The following SCAF4 variants were observed in gnomAD, a reference collection of about 807,000 sequenced individuals.
SCAF4 encodes the protein SR-related and CTD-associated factor 4.
A neutral mutation model predicts 129.8 loss-of-function variants in SCAF4; 25 were observed. The observed-to-expected ratio is 0.19, with a 90% CI of 0.14 to 0.27. The LOEUF (loss-of-function observed/expected upper bound fraction) is 0.27. Ranked by LOEUF, SCAF4 falls within the 10% of genes least tolerant of loss-of-function variation. The pLI is 1.00. For missense variants in SCAF4, 1,246 were observed against 1,457.1 expected (o/e 0.86, Z 2.36); for synonymous variants, 551 against 497.7 (o/e 1.11, Z -1.43).
chr21:31,729,435 T>A (rs1462362838), intron 1 of SCAF4, among the ~76,000 whole-genome samples: 1 of 152,202 alleles, frequency 6.6e-6, no homozygotes, highest in East Asian at 1.9e-4. Flanking sequence ...AAGTCTTATG[T>A]CCTCTATTGG....
chr21:31,725,540 C>A (rs1430176720), intron 1 of SCAF4, among the ~76,000 whole-genome samples: 2 of 152,186 alleles, frequency 1.3e-5, no homozygotes, highest in African/African-American at 4.8e-5. Flanking sequence ...TACAAGTACT[C>A]GCATTTTTTT....
intron 15 of SCAF4, among the ~76,000 whole-genome samples, chr21:31,689,046 T>TG (rs757886798): frequency 1.3e-5 from 2 of 152,318 alleles, no homozygotes; most frequent in African/African-American, 4.8e-5. Context: ...ATTCTTGAGC[T>TG]TTTCAATACA....
chr21:31,676,714 CCTGTA>C (rs1324783924), intron 19 of SCAF4, among the ~76,000 whole-genome samples: 1 of 152,162 alleles, frequency 6.6e-6, no homozygotes, highest in African/African-American at 2.4e-5. Flanking sequence ...ATTCACACAT[CCTGTA>C]ATTTACCCAC....
At chr21:31,715,682 TTTCATGAACTCATTTGGTATGC>T (rs1342915482) in intron 1 of SCAF4, among the ~76,000 whole-genome samples, 6 of 152,264 alleles carry the variant, frequency 3.9e-5, no homozygotes, top group African/African-American at 1.4e-4. Flanking sequence ...AGCTTGTAAA[TTTCATGAACTCATTTGGTATGC>T]TTTCCTCCAA....
In SCAF4 at chr21:31,704,620, A is replaced by G. The variant is rs556930783; in HGVS notation, c.160-694T>C. 4.6e-5 allele frequency among the ~76,000 whole-genome samples: 7 copies of G among 152,044 alleles called. No individual in the cohort carries two copies. In the East Asian group the frequency reaches 1.4e-3, roughly 29 times the overall value. ...GCAGAGGAGTATTTTGCAACTGTTT[A>G]CGATAAACTCAGTGGGAAAAGCAGC... On this transcript the variant is annotated intron_variant, in intron 3 of 19. Transcript: ENST00000286835.
At chr21:31,694,097 C>T in intron 11 of SCAF4, 107 bp downstream of exon 11, 1 of 621,010 alleles carries the variant, frequency 1.6e-6, no homozygotes, top group Non-Finnish European at 2.8e-6. Flanking sequence ...AACATACCAA[C>T]TGTTATTTTA....
In SCAF4 at chr21:31,690,922, G is replaced by T; in HGVS notation, c.1760C>A (p.Ala587Glu). ...TACATCCCAATACTGCTTATAATCT[G>T]CCTTTATTCCTTTGTTTAAGGCCCA... ...IAWALNKGIK[A>E]DYKQYWDVEL... is the part of the protein sequence containing the mutation. The change falls in exon 15 of 20, where the codon GCA becomes GAA. Residue 587 changes from alanine to glutamate, a missense_variant. Physicochemically the swap from Ala to Glu is moderately radical, Grantham distance 107. Transcript: ENST00000286835. 6.2e-7 allele frequency: 1 copy of T among 1,611,468 alleles called. No individual in the cohort carries two copies. Among genetic ancestry groups the T allele is most frequent in the Non-Finnish European group, 8.5e-7 (1 of 1,178,866 alleles).
Position 31,685,646 on chromosome 21 carries a change from A to T in SCAF4, c.2131T>A (p.Phe711Ile). The T allele has an allele frequency of 6.2e-7, 1 of 1,614,054 alleles. No individual in the cohort carries two copies. The highest frequency in any genetic ancestry group is 1.7e-5 in the Admixed American group (1 of 60,020). ...TPPLGIPPPGFGPGVPPPPPP... is the reference protein window; with the variant it reads ...TPPLGIPPPGIGPGVPPPPPP... Reference sequence around the variant, plus strand: ...GGGGGAGGAGGAACACCAGGACCAAAGCCTGGAGGCGGTATTCCCAGAGGA... The same window carrying T: ...GGGGGAGGAGGAACACCAGGACCAATGCCTGGAGGCGGTATTCCCAGAGGA... The change falls in exon 17 of 20, where the codon TTT (phenylalanine) becomes ATT (isoleucine). Residue 711 changes from phenylalanine to isoleucine, a missense_variant. Coordinates refer to ENST00000286835, the MANE Select transcript of SCAF4 (RefSeq NM_020706.2).
At chr21:31,710,730 A>G (rs1294622411) in intron 1 of SCAF4, among the ~76,000 whole-genome samples, 1 of 152,216 alleles carries the variant, frequency 6.6e-6, no homozygotes, top group Admixed American at 6.5e-5. Flanking sequence ...ATGCAAAACA[A>G]ATCTTGTTTA....
At chr21:31,673,683 C>G (rs888401418) in intron 19 of SCAF4, among the ~76,000 whole-genome samples, 6 of 152,230 alleles carry the variant, frequency 3.9e-5, no homozygotes, top group African/African-American at 1.4e-4. Context: ...ACTGGGGCAA[C>G]AGAAGCACAT....
intron 1 of SCAF4, among the ~76,000 whole-genome samples, chr21:31,718,211 G>T (rs2050985921): frequency 6.6e-6 from 1 of 151,974 alleles, no homozygotes; most frequent in South Asian, 2.1e-4. Flanking sequence ...CTCCCAAAGT[G>T]CTGGGATTAC....
Position 31,691,876 on chromosome 21 carries a change from A to G in SCAF4, c.1669T>C (p.Tyr557His). The change falls in exon 14 of 20, where the codon TAT becomes CAT. Residue 557 changes from tyrosine to histidine, a missense_variant. Transcript: ENST00000286835. The stretch of plus-strand genomic sequence containing the variant: ...CGGCTCAGTTTCTGCAGGGCACGAT[A>G]GGCATCTTGCCTATGAACCATAACA... ...YIVMVHRQDA[Y>H]RALQKLSRGN... 6.2e-7 allele frequency: 1 copy of G among 1,609,966 alleles called. No homozygotes were observed. Among genetic ancestry groups the G allele is most frequent in the Non-Finnish European group, 8.5e-7 (1 of 1,178,012 alleles).
At chr21:31,702,602 C>T (rs1237412176) in intron 4 of SCAF4, among the ~76,000 whole-genome samples, 2 of 151,850 alleles carry the variant, frequency 1.3e-5, no homozygotes, top group African/African-American at 2.4e-5. Context: ...ACTATAGACC[C>T]AGACAATAAA....
Position 31,671,590 on chromosome 21 carries a change from C to T in SCAF4, c.3253G>A (p.Asp1085Asn). 1 of 1,614,176 alleles carries T rather than the reference C, an allele frequency of 6.2e-7. No individual in the cohort carries two copies. Among genetic ancestry groups the T allele is most frequent in the Non-Finnish European group, 8.5e-7 (1 of 1,180,030 alleles). The change falls in exon 20 of 20, where the codon GAC becomes AAC. Residue 1085 changes from aspartate (D) to asparagine (N), a missense_variant. Transcript: ENST00000286835. ...ACGGTTTTGTTACCACCTGCCCTGT[C>T]TGTCACCTCAGGCTTTTCCTTTCCT... is the stretch of plus-strand genomic sequence containing the variant. ...ARGKEKPEVT[D>N]RAGGNKTVEP...
Position 31,702,272 on chromosome 21 carries a change from T to C in SCAF4, c.429A>G (p.Pro143=). 1.9e-6 allele frequency: 3 copies of C among 1,614,158 alleles called. No individual in the cohort carries two copies. Among genetic ancestry groups the C allele is most frequent in the Non-Finnish European group, 2.5e-6 (3 of 1,180,004 alleles). The change falls in exon 5 of 20, where the codon CCA becomes CCG. Residue 143 remains proline (P), a synonymous_variant. Transcript: ENST00000286835. ...DMAAGTSNAA[P]VAENVTNNEG... is the part of the protein sequence containing the mutation. ...CATTATTGGTAACATTTTCTGCTAC[T>C]GGGGCTGCATTACTGGTTCCCGCTG...
chr21:31,679,330 T>C (rs965442879), intron 19 of SCAF4, among the ~76,000 whole-genome samples: 2 of 151,782 alleles, frequency 1.3e-5, no homozygotes, highest in Non-Finnish European at 2.9e-5. Context: ...CCTAAGCATA[T>C]ATCCCTAGGT....
intron 19 of SCAF4, among the ~76,000 whole-genome samples, chr21:31,675,358 G>A (rs2049826023): frequency 6.6e-6 from 1 of 152,192 alleles, no homozygotes; most frequent in South Asian, 2.1e-4. Flanking sequence ...GGATAGCTAA[G>A]AGGGGAAGGC....
chr21:31,717,973 C>T (rs1213408090), intron 1 of SCAF4, among the ~76,000 whole-genome samples: 3 of 151,398 alleles, frequency 2.0e-5, no homozygotes, highest in East Asian at 1.9e-4. Flanking sequence ...GATGGAGTTT[C>T]ACTCTCATTG....
intron 3 of SCAF4, among the ~76,000 whole-genome samples, chr21:31,704,601 G>C (rs866209405): frequency 1.3e-5 from 2 of 151,504 alleles, no homozygotes; most frequent in Non-Finnish European, 1.5e-5. Context: ...AACCGCAGAG[G>C]AGTATTTTGC....
Sources: allele counts gnomAD v4.1 joint callset (sites outside exome capture counted in the v4.1 genomes callset), GRCh38; gene constraint gnomAD v4.1.1; transcripts MANE v1.5; gene names NCBI Gene and HGNC (gene_info 2026-07-23, HGNC 2026-07-21).